The following PRIM2 variants were observed in gnomAD, a reference collection of about 807,000 sequenced individuals.
PRIM2 encodes DNA primase large subunit.
A neutral mutation model predicts 67.3 loss-of-function variants in PRIM2; 39 were observed. The ratio of observed to expected loss-of-function variants is 0.58; its 90% confidence interval spans 0.45 to 0.76. The LOEUF (loss-of-function observed/expected upper bound fraction) is 0.76, where lower values mean the gene tolerates loss of function less well. PRIM2 is among the 30% of genes least tolerant of loss of function. The pLI is 0.00. For synonymous variants in PRIM2, 143 were observed against 198.7 expected, an observed-to-expected ratio of 0.72 and a Z score of 2.36; for missense variants, 398 against 598.7, an observed-to-expected ratio of 0.66 and a Z score of 3.50.
chr6:57,395,628 A>T (rs1438916700), intron 7 of PRIM2, among the ~76,000 whole-genome samples: 4 of 151,924 alleles, frequency 2.6e-5, no homozygotes, highest in African/African-American at 4.8e-5. Context: ...TGTTTCATTT[A>T]TCTTTTGTAT....
intron 7 of PRIM2, among the ~76,000 whole-genome samples, chr6:57,440,457 G>C (rs1472436154): frequency 6.6e-6 from 1 of 152,142 alleles, no homozygotes; most frequent in Admixed American, 6.6e-5. Context: ...GAGCAAGAGA[G>C]ACATATATTA....
At chr6:57,291,685 G>A in the PRIM2 span, among the ~76,000 whole-genome samples, 1,256 of 152,236 alleles carry the variant, frequency 8.3e-3, 24 homozygotes, top group African/African-American at 0.029. Flanking sequence ...TGCAAGGCTG[G>A]TTCAACATAT....
Position 57,510,767 on chromosome 6 carries a change from G to A in PRIM2, c.761+3313G>A, listed in dbSNP as rs1435091027. The stretch of plus-strand genomic sequence containing the variant: ...TTCTACAAGGTAACCTTGTTATAAC[G>A]CCTTTCAAGAATACTGAATTGTTGC... On this transcript the variant is annotated intron_variant, in intron 8 of 13. Coordinates refer to ENST00000615550, the MANE Select transcript of PRIM2 (RefSeq NM_000947.5). 1.2e-4 allele frequency among the ~76,000 whole-genome samples: 19 copies of A among 152,214 alleles called. No homozygotes were observed. The South Asian group carries it at 3.5e-3, about 28-fold the overall frequency.
chr6:57,549,756 G>C (rs1159836129), intron 10 of PRIM2, among the ~76,000 whole-genome samples: 2 of 152,168 alleles, frequency 1.3e-5, no homozygotes. Context: ...TTGTTTGAAT[G>C]TTCGTGTTAG....
chr6:57,400,481 G>A (rs534799017), intron 7 of PRIM2, among the ~76,000 whole-genome samples: 1 of 152,232 alleles, frequency 6.6e-6, no homozygotes, highest in Non-Finnish European at 1.5e-5. Flanking sequence ...TTAGCCTGAT[G>A]GGGTTCCCTT....
intron 5 of PRIM2, among the ~76,000 whole-genome samples, chr6:57,366,660 G>T (rs1405293306): frequency 2.0e-5 from 3 of 152,058 alleles, no homozygotes; most frequent in Admixed American, 6.6e-5. Flanking sequence ...ATTTGGATTT[G>T]GACCGTGCCT....
At chr6:57,448,968 C>T (rs6459226) in intron 7 of PRIM2, among the ~76,000 whole-genome samples, 40 of 152,106 alleles carry the variant, frequency 2.6e-4, no homozygotes, top group African/African-American at 7.7e-4. Context: ...CTTCTCATCA[C>T]GGCCAAGAAC....
intron 7 of PRIM2, among the ~76,000 whole-genome samples, chr6:57,460,999 A>T (rs1289830241): frequency 6.6e-6 from 1 of 152,220 alleles, no homozygotes; most frequent in Non-Finnish European, 1.5e-5. Context: ...GAAGTCTCTC[A>T]TCTCATCTCA....
chr6:57,361,923 T>C (rs1310864813), intron 5 of PRIM2, among the ~76,000 whole-genome samples: 1 of 152,048 alleles, frequency 6.6e-6, no homozygotes, highest in Non-Finnish European at 1.5e-5. Flanking sequence ...GGCATTGCCA[T>C]GGGCTGGATT....
At chr6:57,504,874 A>T (rs1158307889) in intron 7 of PRIM2, among the ~76,000 whole-genome samples, 1 of 152,204 alleles carries the variant, frequency 6.6e-6, no homozygotes, top group Admixed American at 6.6e-5. Flanking sequence ...GTTTTGCTCA[A>T]AGCAGGAATT....
chr6:57,330,348 G>GTTTTTTTTTTTT (rs1238317111), intron 5 of PRIM2, among the ~76,000 whole-genome samples: 20 of 87,800 alleles, frequency 2.3e-4, no homozygotes, highest in East Asian at 6.4e-4. Flanking sequence ...TGCTGAACTT[G>GTTTTTTTTTTTT]TTTTTTTTTT....
chr6:57,290,137 A>T, the PRIM2 span, among the ~76,000 whole-genome samples: 23 of 152,018 alleles, frequency 1.5e-4, no homozygotes, highest in Admixed American at 6.6e-5. Flanking sequence ...GAAAAAAAAA[A>T]AAAAAGCAGG....
chr6:57,337,184 A>T (rs1239238387), intron 5 of PRIM2, among the ~76,000 whole-genome samples: 3 of 152,024 alleles, frequency 2.0e-5, no homozygotes, highest in East Asian at 3.8e-4. Flanking sequence ...TATGCACCCA[A>T]TACAGGAGCA....
At chr6:57,482,674 C>A (rs1773659816) in intron 7 of PRIM2, among the ~76,000 whole-genome samples, 4 of 151,980 alleles carry the variant, frequency 2.6e-5, no homozygotes, top group Admixed American at 1.3e-4. Context: ...CGTGTGAGGG[C>A]AAATTATCTC....
At chr6:57,409,578 A>G (rs1328941929) in intron 7 of PRIM2, among the ~76,000 whole-genome samples, 1 of 152,180 alleles carries the variant, frequency 6.6e-6, no homozygotes, top group Non-Finnish European at 1.5e-5. Flanking sequence ...GTGGATAGAT[A>G]TGTTCATCTC....
At chr6:57,487,285 A>G (rs1414424225) in intron 7 of PRIM2, among the ~76,000 whole-genome samples, 32 of 152,338 alleles carry the variant, frequency 2.1e-4, no homozygotes, top group African/African-American at 7.2e-4. Flanking sequence ...GCTGGAGTGC[A>G]GTGGTGTGAT....
chr6:57,539,874 A>G (rs1425439778), intron 10 of PRIM2, among the ~76,000 whole-genome samples: 2 of 151,946 alleles, frequency 1.3e-5, no homozygotes, highest in African/African-American at 2.4e-5. Context: ...GGTGCCTGCA[A>G]TCCCAGCTAC....
At chr6:57,224,395 A>G in the PRIM2 span, among the ~76,000 whole-genome samples, 2 of 152,210 alleles carry the variant, frequency 1.3e-5, no homozygotes, top group Non-Finnish European at 1.5e-5. Context: ...AGTCAAATTC[A>G]TAGAGACAGT....
the PRIM2 span, among the ~76,000 whole-genome samples, chr6:57,239,737 C>T: frequency 1.1e-4 from 16 of 152,242 alleles, no homozygotes; most frequent in African/African-American, 3.4e-4. Context: ...CAGAGCAAAA[C>T]CTTGTCTCCA....
Sources: allele counts gnomAD v4.1 joint callset (sites outside exome capture counted in the v4.1 genomes callset), GRCh38; gene constraint gnomAD v4.1.1; transcripts MANE v1.5; gene names NCBI Gene and HGNC (gene_info 2026-07-23, HGNC 2026-07-21).